Variants in ADAMTS17 observed in about 807,000 individuals in gnomAD.
ADAMTS17 encodes ADAM metallopeptidase with thrombospondin type 1 motif 17.
A neutral mutation model predicts 141.5 loss-of-function variants in ADAMTS17; 113 were observed. That is an observed-to-expected ratio of 0.80 (90% CI 0.69 to 0.93). The LOEUF is 0.93. ADAMTS17 is among the 40% of genes least tolerant of loss of function. The pLI is 0.00. For missense variants in ADAMTS17, 1,659 were observed against 1,517.9 expected (o/e 1.09, Z -1.54); for synonymous variants, 768 against 630.6 (o/e 1.22, Z -3.27).
At chr15:99,987,583 G>C (rs1050097698) in intron 20 of ADAMTS17, among the ~76,000 whole-genome samples, 1 of 152,146 alleles carries the variant, frequency 6.6e-6, no homozygotes, top group Admixed American at 6.6e-5. Context: ...CTGCAAGCTG[G>C]ACAGCAAAGA....
At chr15:100,281,126 C>T (rs1248415414) in intron 4 of ADAMTS17, 103 bp downstream of exon 4, 23 of 1,499,506 alleles carry the variant, frequency 1.5e-5, no homozygotes, top group East Asian at 4.6e-5. Flanking sequence ...CCCAACCCAG[C>T]GTCTTCCTCA....
intron 8 of ADAMTS17, among the ~76,000 whole-genome samples, chr15:100,164,039 T>C (rs1347356308): frequency 2.6e-5 from 4 of 152,184 alleles, no homozygotes; most frequent in African/African-American, 7.2e-5. Context: ...GCTGGCCTTC[T>C]TTCTCTGAAA....
chr15:100,157,691 C>T (rs2039498553), intron 8 of ADAMTS17, among the ~76,000 whole-genome samples: 1 of 152,144 alleles, frequency 6.6e-6, no homozygotes, highest in African/African-American at 2.4e-5. Flanking sequence ...CAAAAAAATA[C>T]CGGACAACTC....
chr15:100,327,057 C>T (rs1314489096), intron 3 of ADAMTS17, among the ~76,000 whole-genome samples: 1 of 152,078 alleles, frequency 6.6e-6, no homozygotes. Context: ...AGAGGTTGCA[C>T]ATTTTTTTTG....
At chr15:100,162,238 T>C (rs1402467852) in intron 8 of ADAMTS17, among the ~76,000 whole-genome samples, 1 of 152,044 alleles carries the variant, frequency 6.6e-6, no homozygotes, top group South Asian at 2.1e-4. Flanking sequence ...CATGGGATTT[T>C]GATGTAAGGT....
At chr15:100,001,143 G>A (rs1380883219) in intron 18 of ADAMTS17, among the ~76,000 whole-genome samples, 1 of 152,072 alleles carries the variant, frequency 6.6e-6, no homozygotes, top group African/African-American at 2.4e-5. Context: ...TAGACTTCTG[G>A]GCCTTCAGAG....
intron 15 of ADAMTS17, among the ~76,000 whole-genome samples, chr15:100,081,314 GT>G (rs1242526884): frequency 6.6e-6 from 1 of 152,166 alleles, no homozygotes; most frequent in Non-Finnish European, 1.5e-5. Context: ...ATTGTGGGAT[GT>G]TGTGATTACG....
intron 10 of ADAMTS17, among the ~76,000 whole-genome samples, chr15:100,147,565 A>C (rs2141325147): frequency 6.6e-6 from 1 of 152,262 alleles, no homozygotes; most frequent in South Asian, 2.1e-4. Flanking sequence ...AAAGGTATAA[A>C]AATACGGTAT....
At chr15:100,294,066 C>A (rs1032806769) in intron 3 of ADAMTS17, among the ~76,000 whole-genome samples, 3 of 152,120 alleles carry the variant, frequency 2.0e-5, no homozygotes. Context: ...GTTCTGCCCT[C>A]TTAAGGTAGA....
chr15:100,146,951 T>C (rs2038936397), intron 10 of ADAMTS17, among the ~76,000 whole-genome samples: 2 of 152,300 alleles, frequency 1.3e-5, no homozygotes, highest in South Asian at 2.1e-4. Context: ...TAAGATGTTA[T>C]CAATGACAGT....
intron 14 of ADAMTS17, among the ~76,000 whole-genome samples, chr15:100,101,555 T>G (rs1596431377): frequency 1.3e-5 from 2 of 152,230 alleles, no homozygotes; most frequent in East Asian, 3.9e-4. Flanking sequence ...TGAGTATGTG[T>G]CATCTCCCTA....
In ADAMTS17 at chr15:99,989,379, T is replaced by C. The variant is rs139568955; in HGVS notation, c.2949+3669A>G. ...CCCCTGTGGGCACAGGCGCCAACAA[T>C]AGTACAGGCTGCATTTAGGGCGTGA... On this transcript the variant is annotated intron_variant, in intron 20 of 21. Coordinates refer to ENST00000268070, the MANE Select transcript of ADAMTS17 (RefSeq NM_139057.4). 5.0e-3 allele frequency among the ~76,000 whole-genome samples: 769 copies of C among 152,322 alleles called. 8 individuals carry two copies. Among genetic ancestry groups the C allele is most frequent in the African/African-American group, 0.017 (710 of 41,578 alleles).
intron 7 of ADAMTS17, among the ~76,000 whole-genome samples, chr15:100,232,769 C>G (rs761023536): frequency 1.3e-5 from 2 of 152,232 alleles, no homozygotes; most frequent in East Asian, 3.9e-4. Context: ...AGGCCCTCCT[C>G]TCACTGCCTC....
chr15:100,310,724 G>A (rs1261041766), intron 3 of ADAMTS17, among the ~76,000 whole-genome samples: 1 of 150,726 alleles, frequency 6.6e-6, no homozygotes, highest in Non-Finnish European at 1.5e-5. Flanking sequence ...AACACTCCCG[G>A]CTTTACTGGG....
At chr15:100,118,025 C>G (rs1353549866) in intron 12 of ADAMTS17, among the ~76,000 whole-genome samples, 1 of 152,162 alleles carries the variant, frequency 6.6e-6, no homozygotes, top group Non-Finnish European at 1.5e-5. Flanking sequence ...GCAAGACCAC[C>G]CTGTGATTGG....
intron 2 of ADAMTS17, among the ~76,000 whole-genome samples, chr15:100,332,171 C>T (rs1244545263): frequency 6.6e-6 from 1 of 152,190 alleles, no homozygotes; most frequent in Non-Finnish European, 1.5e-5. Context: ...TTTTACTGCC[C>T]AAATAAAACT....
At chr15:100,224,492 C>T (rs779947476) in intron 7 of ADAMTS17, among the ~76,000 whole-genome samples, 1 of 152,052 alleles carries the variant, frequency 6.6e-6, no homozygotes. Context: ...TCAGTCATCA[C>T]AAGATTTCAA....
Position 99,977,310 on chromosome 15 carries a change from G to A in ADAMTS17, c.2950-1088C>T, listed in dbSNP as rs560853684. On this transcript the variant is annotated intron_variant, in intron 20 of 21. Coordinates refer to ENST00000268070, the MANE Select transcript of ADAMTS17 (RefSeq NM_139057.4). ...CCCCAAATTCCCAAGGAGTGGACCC[G>A]GTTAAGACTTCGTGGTTCTGTTCTC... 4.9e-4 allele frequency among the ~76,000 whole-genome samples: 61 copies of A among 125,734 alleles called. No homozygotes were observed. In the East Asian group the frequency reaches 0.013, roughly 28 times the overall value. The allele number at this position is 125,734 out of a possible 152,430, so 82.5% of individuals were successfully genotyped here.
intron 15 of ADAMTS17, among the ~76,000 whole-genome samples, chr15:100,075,116 T>C (rs1451304748): frequency 1.3e-5 from 2 of 152,194 alleles, no homozygotes; most frequent in African/African-American, 4.8e-5. Context: ...ATTTTGTCCC[T>C]GGATATTACA....
Sources: allele counts gnomAD v4.1 joint callset (sites outside exome capture counted in the v4.1 genomes callset), GRCh38; gene constraint gnomAD v4.1.1; transcripts MANE v1.5; gene names NCBI Gene and HGNC (gene_info 2026-07-23, HGNC 2026-07-21).